The following CACNA2D1 variants were observed in gnomAD, a reference collection of about 807,000 sequenced individuals.
CACNA2D1 encodes the protein calcium voltage-gated channel auxiliary subunit alpha2delta 1.
Under a neutral mutation model 171.5 loss-of-function variants are expected in CACNA2D1, and 53 were observed. The observed-to-expected ratio is 0.31, with a 90% CI of 0.25 to 0.39. The LOEUF is 0.39. CACNA2D1 is among the 10% of genes least tolerant of loss of function. The pLI is 1.00. For synonymous variants in CACNA2D1, 442 were observed against 443.1 expected, an observed-to-expected ratio of 1.00 and a Z score of 0.03; for missense variants, 903 against 1,299.8, an observed-to-expected ratio of 0.69 and a Z score of 4.69.
At chr7:82,294,835 T>C (rs996353146) in intron 3 of CACNA2D1, among the ~76,000 whole-genome samples, 9 of 152,200 alleles carry the variant, frequency 5.9e-5, no homozygotes, top group African/African-American at 1.2e-4. Context: ...TATATTTTTC[T>C]AGCTACATTT....
At chr7:82,162,067 G>T (rs1342596825) in intron 4 of CACNA2D1, among the ~76,000 whole-genome samples, 2 of 152,054 alleles carry the variant, frequency 1.3e-5, no homozygotes, top group African/African-American at 4.8e-5. Context: ...GAAAAGACAT[G>T]AAGTGTGAAG....
intron 1 of CACNA2D1, among the ~76,000 whole-genome samples, chr7:82,428,717 A>T (rs1032098339): frequency 6.6e-6 from 1 of 152,196 alleles, no homozygotes; most frequent in Non-Finnish European, 1.5e-5. Flanking sequence ...ATTTCCCCTA[A>T]AAGGTCCGGT....
chr7:82,432,009 G>C (rs972561553), intron 1 of CACNA2D1, among the ~76,000 whole-genome samples: 1 of 127,410 alleles, frequency 7.8e-6, no homozygotes, highest in African/African-American at 3.4e-5. Flanking sequence ...CTCCACTCCA[G>C]CCTGGGCAAC....
intron 3 of CACNA2D1, among the ~76,000 whole-genome samples, chr7:82,188,662 T>A (rs1477995246): frequency 6.6e-6 from 1 of 152,118 alleles, no homozygotes; most frequent in Non-Finnish European, 1.5e-5. Context: ...AGTAATCTGA[T>A]TTTTGGGTAT....
intron 9 of CACNA2D1, among the ~76,000 whole-genome samples, chr7:82,062,105 G>A (rs1387857845): frequency 6.6e-6 from 1 of 152,076 alleles, no homozygotes; most frequent in East Asian, 1.9e-4. Flanking sequence ...AGTTTTATAA[G>A]GGCAGTTTCG....
intron 3 of CACNA2D1, among the ~76,000 whole-genome samples, chr7:82,268,996 A>G (rs1050919656): frequency 6.6e-6 from 1 of 152,178 alleles, no homozygotes; most frequent in African/African-American, 2.4e-5. Context: ...CAGTTTTAAA[A>G]AGAAAGTTGA....
rs1792086690 is a variant in CACNA2D1 at position 81,946,839 on chromosome 7, A to C, written c.*3553T>G. The C allele has an allele frequency of 6.6e-6, 1 of 152,104 alleles. No homozygotes were observed. The highest frequency in any genetic ancestry group is 1.5e-5 in the Non-Finnish European group (1 of 67,988). 9.4% of individuals were successfully genotyped at this position (152,104 alleles called of 1,614,324 possible). ...TGTGAACTAGAAATAAGGTAGATGA[A>C]GAGTTGTCTAATTCTTCAAAAATCT... On this transcript the variant is annotated 3_prime_UTR_variant, in exon 39 of 39. Transcript: ENST00000356860.
intron 4 of CACNA2D1, among the ~76,000 whole-genome samples, chr7:82,156,029 A>G (rs1041921555): frequency 1.3e-5 from 2 of 152,150 alleles, no homozygotes; most frequent in Non-Finnish European, 2.9e-5. Context: ...AAAATTAAAA[A>G]GTGGGTTTAG....
In CACNA2D1 at chr7:82,080,729, T is replaced by C. The variant is rs144741649; in HGVS notation, c.658+4040A>G. 9.3e-3 allele frequency among the ~76,000 whole-genome samples: 1,417 copies of C among 152,318 alleles called. 23 individuals carry two copies. The highest frequency in any genetic ancestry group is 0.032 in the African/African-American group (1,338 of 41,574). On this transcript the variant is annotated intron_variant, in intron 7 of 38. Transcript: ENST00000356860. The stretch of plus-strand genomic sequence containing the variant: ...AGGCCATCAGCTACAATCCGTCTCC[T>C]GACCAGTTTCACTACGTGGTGTTAT...
At chr7:82,165,327 GGC>G (rs1795333090) in intron 4 of CACNA2D1, among the ~76,000 whole-genome samples, 1 of 151,830 alleles carries the variant, frequency 6.6e-6, no homozygotes, top group South Asian at 2.1e-4. Context: ...TGACTGCAGG[GGC>G]TTCCACTGTA....
chr7:82,178,922 T>C (rs568833972), intron 3 of CACNA2D1, among the ~76,000 whole-genome samples: 13 of 152,086 alleles, frequency 8.5e-5, no homozygotes, highest in Non-Finnish European at 7.4e-5. Context: ...TCAGTAAGTG[T>C]GTATGGAAAT....
At chr7:82,232,095 GAATA>G (rs570533522) in intron 3 of CACNA2D1, among the ~76,000 whole-genome samples, 94 of 151,996 alleles carry the variant, frequency 6.2e-4, no homozygotes, top group African/African-American at 1.9e-3. Context: ...TATTTTCTGA[GAATA>G]AATACTCAGC....
chr7:82,209,444 C>T (rs1800336046), intron 3 of CACNA2D1, among the ~76,000 whole-genome samples: 1 of 152,156 alleles, frequency 6.6e-6, no homozygotes, highest in African/African-American at 2.4e-5. Flanking sequence ...CCACAATAGA[C>T]CTTGGTAGCA....
intron 3 of CACNA2D1, among the ~76,000 whole-genome samples, chr7:82,211,226 G>C (rs1800518255): frequency 1.3e-5 from 2 of 151,800 alleles, no homozygotes; most frequent in African/African-American, 2.4e-5. Context: ...TATTATTTTA[G>C]GTCCAGGGGC....
chr7:82,140,959 AAAAAAAAAAAG>A (rs1457837281), intron 4 of CACNA2D1, among the ~76,000 whole-genome samples: 1 of 131,164 alleles, frequency 7.6e-6, no homozygotes, highest in Admixed American at 7.9e-5. Flanking sequence ...GTCTCTAAAA[AAAAAAAAAAAG>A]AAAAAAAAAT....
intron 5 of CACNA2D1, among the ~76,000 whole-genome samples, chr7:82,118,478 AT>A (rs1789337482): frequency 6.6e-6 from 1 of 152,170 alleles, no homozygotes; most frequent in East Asian, 1.9e-4. Flanking sequence ...GGATGTATAC[AT>A]AGCAAGTGTT....
In CACNA2D1 at chr7:82,105,574, C is replaced by T. The variant is rs189738304; in HGVS notation, c.526+11470G>A. On this transcript the variant is annotated intron_variant, in intron 6 of 38. Coordinates refer to ENST00000356860, the MANE Select transcript of CACNA2D1 (RefSeq NM_000722.4). Reference sequence around the variant, plus strand: ...TTTTGAGTATAAATAATACTATCTCCATATAAAATTTGTTTCTTTCAAATA... The same window carrying T: ...TTTTGAGTATAAATAATACTATCTCTATATAAAATTTGTTTCTTTCAAATA... Among the ~76,000 whole-genome samples, 292 of 151,966 alleles carry T rather than the reference C, an allele frequency of 1.9e-3. 5 individuals are homozygous for T. The South Asian group carries it at 0.024, about 13-fold the overall frequency.
At chr7:82,300,500 G>T (rs1335636217) in intron 3 of CACNA2D1, among the ~76,000 whole-genome samples, 1 of 151,962 alleles carries the variant, frequency 6.6e-6, no homozygotes, top group Non-Finnish European at 1.5e-5. Flanking sequence ...AAAACTAAAG[G>T]TTATCAGAAT....
At chr7:82,389,240 T>G (rs1381146218) in intron 1 of CACNA2D1, among the ~76,000 whole-genome samples, 2 of 148,874 alleles carry the variant, frequency 1.3e-5, no homozygotes, top group African/African-American at 4.9e-5. Context: ...AGGATGGGAG[T>G]TTTTTTTAGT....
Sources: allele counts gnomAD v4.1 joint callset (sites outside exome capture counted in the v4.1 genomes callset), GRCh38; gene constraint gnomAD v4.1.1; transcripts MANE v1.5; gene names NCBI Gene and HGNC (gene_info 2026-07-23, HGNC 2026-07-21).